The following CSMD2 variants were observed in gnomAD, a reference collection of about 807,000 sequenced individuals.
CSMD2 encodes CUB and sushi domain-containing protein 2.
A neutral mutation model predicts 398.5 loss-of-function variants in CSMD2; 130 were observed. That is an observed-to-expected ratio of 0.33 (90% CI 0.28 to 0.38). The LOEUF (loss-of-function observed/expected upper bound fraction) is 0.38. CSMD2 is among the 10% of genes least tolerant of loss of function. The pLI is 1.00. For missense variants in CSMD2, 3,829 were observed against 4,764.9 expected (o/e 0.80, Z 5.78); for synonymous variants, 1,828 against 1,908.5 (o/e 0.96, Z 1.10).
At position 33,802,701 on chromosome 1, in the gene CSMD2, C is replaced by CT. The variant is rs1485464067; in HGVS notation, c.1446+8041dup. ...CTCCCACAAGCAAACCTTTCAGCTC[C>CT]TTCTAACAACAGCATCTTTCTCCCC... On this transcript the variant is annotated intron_variant, in intron 10 of 70. Transcript: ENST00000373381. Among the ~76,000 whole-genome samples the CT allele has an allele frequency of 2.0e-5, 3 of 152,184 alleles. No individual in the cohort carries two copies. The East Asian group carries it at 5.8e-4, about 29-fold the overall frequency.
intron 1 of CSMD2, among the ~76,000 whole-genome samples, chr1:34,128,423 C>T (rs1662973857): frequency 6.6e-6 from 1 of 152,216 alleles, no homozygotes; most frequent in South Asian, 2.1e-4. Context: ...GGTGTGTCTC[C>T]TAACCTTCCT....
At chr1:34,053,196 G>A (rs983167185) in intron 2 of CSMD2, among the ~76,000 whole-genome samples, 1 of 152,218 alleles carries the variant, frequency 6.6e-6, no homozygotes, top group East Asian at 1.9e-4. Flanking sequence ...TTTTTTAATA[G>A]AATAAGCAAG....
intron 15 of CSMD2, among the ~76,000 whole-genome samples, chr1:33,729,665 G>A (rs1646658614): frequency 6.7e-6 from 1 of 149,780 alleles, no homozygotes; most frequent in Admixed American, 6.6e-5. Context: ...AGAGTGTGAT[G>A]TTGGAGGGGA....
chr1:33,571,580 G>C lies in CSMD2; in HGVS notation c.7909C>G (p.Gln2637Glu). The part of the protein sequence containing the change: ...YYTGQRVIRC[Q>E]ANGKWSLGDS... ...CCGAGGCTCCATTTGCCATTGGCCT[G>C]ACAGCGGATGACCCTTTGGCCAGTA... The change falls in exon 51 of 71, where the codon CAG (glutamine) becomes GAG (glutamate). Residue 2637 changes from glutamine (Q) to glutamate (E), a missense_variant. Gln to Glu is a conservative substitution (Grantham distance 29, BLOSUM62 2). Coordinates refer to ENST00000373381, the MANE Select transcript of CSMD2 (RefSeq NM_001281956.2). The C allele has an allele frequency of 6.5e-7, 1 of 1,543,160 alleles. No homozygotes were observed. Among genetic ancestry groups the C allele is most frequent in the Non-Finnish European group, 8.8e-7 (1 of 1,132,642 alleles).
At chr1:33,582,854 C>A (rs1387887551) in intron 47 of CSMD2, among the ~76,000 whole-genome samples, 1 of 152,156 alleles carries the variant, frequency 6.6e-6, no homozygotes, top group Non-Finnish European at 1.5e-5. Flanking sequence ...ATTAACACAG[C>A]CTTGGTTACA....
At chr1:33,605,879 A>G (rs1300842937) in intron 41 of CSMD2, 2 of 1,613,580 alleles carry the variant, frequency 1.2e-6, no homozygotes, top group Admixed American at 3.3e-5. Flanking sequence ...AACCAGGATC[A>G]AGATCCCAGA....
intron 16 of CSMD2, among the ~76,000 whole-genome samples, 157 bp from the exon 17 acceptor site, chr1:33,725,693 A>T (rs528479347): frequency 2.9e-4 from 44 of 152,288 alleles, no homozygotes; most frequent in Admixed American, 2.3e-3. Flanking sequence ...GCGATGCAGA[A>T]GGACCTTCTC....
chr1:33,725,594 T>G, intron 16 of CSMD2, 58 bp from the exon 17 acceptor site: 2 of 1,530,522 alleles, frequency 1.3e-6, no homozygotes, highest in Non-Finnish European at 1.8e-6. Flanking sequence ...AATTTGCAAA[T>G]GACATAAAGC....
intron 3 of CSMD2, among the ~76,000 whole-genome samples, chr1:33,988,453 C>A (rs1646434098): frequency 6.6e-6 from 1 of 152,236 alleles, no homozygotes; most frequent in African/African-American, 2.4e-5. Flanking sequence ...CTGCAGGTCT[C>A]TGCTCAAACG....
chr1:34,087,614 T>TAAC (rs1336086003), intron 2 of CSMD2, among the ~76,000 whole-genome samples: 22 of 40,778 alleles, frequency 5.4e-4, no homozygotes, highest in African/African-American at 1.9e-3. Flanking sequence ...ACTTAAAGTA[T>TAAC]AATAATAATA....
At chr1:33,771,727 C>CG (rs1651295705) in intron 13 of CSMD2, among the ~76,000 whole-genome samples, 1 of 152,042 alleles carries the variant, frequency 6.6e-6, no homozygotes, top group African/African-American at 2.4e-5. Context: ...CCCACTGAGC[C>CG]GGGTGAAGGA....
intron 12 of CSMD2, among the ~76,000 whole-genome samples, chr1:33,784,000 C>A (rs1284378442): frequency 6.6e-6 from 1 of 150,594 alleles, no homozygotes; most frequent in Non-Finnish European, 1.5e-5. Context: ...CTCCCTATCC[C>A]AGGGCATTTT....
In CSMD2 at chr1:34,135,242, T is replaced by TCACACACACA. The variant is rs66898227; in HGVS notation, c.187+29659_187+29668dup. 3.6e-3 allele frequency among the ~76,000 whole-genome samples: 482 copies of TCACACACACA among 135,564 alleles called. 6 individuals carry two copies. Among genetic ancestry groups the TCACACACACA allele is most frequent in the South Asian group, 9.7e-3 (41 of 4,208 alleles). 88.9% of individuals were successfully genotyped at this position (135,564 alleles called of 152,430 possible). Reference sequence around the variant, plus strand: ...ATAGACATCTGCCCTCATGTTGAAATCACACACACACACACACACACACAC... The same window carrying TCACACACACA: ...ATAGACATCTGCCCTCATGTTGAAATCACACACACACACACACACACACACACACACACAC... On this transcript the variant is annotated intron_variant, in intron 1 of 70. Transcript: ENST00000373381.
At chr1:34,031,702 G>T (rs569312419) in intron 3 of CSMD2, among the ~76,000 whole-genome samples, 3 of 134,452 alleles carry the variant, frequency 2.2e-5, no homozygotes, top group Non-Finnish European at 4.6e-5. Flanking sequence ...TTTCTGTATT[G>T]CTATAGCTTC....
chr1:33,743,897 A>G (rs1211250021), intron 13 of CSMD2, among the ~76,000 whole-genome samples: 1 of 152,202 alleles, frequency 6.6e-6, no homozygotes, highest in Non-Finnish European at 1.5e-5. Flanking sequence ...TGCGGCCCAG[A>G]TTTTTAAAAA....
chr1:34,100,414 A>G (rs1659828321), intron 1 of CSMD2, among the ~76,000 whole-genome samples: 1 of 152,052 alleles, frequency 6.6e-6, no homozygotes, highest in Non-Finnish European at 1.5e-5. Flanking sequence ...AGTTTAGCTC[A>G]TTTTTCTGCA....
At chr1:33,666,864 T>G (rs2149013434) in intron 25 of CSMD2, among the ~76,000 whole-genome samples, 1 of 152,282 alleles carries the variant, frequency 6.6e-6, no homozygotes, top group African/African-American at 2.4e-5. Context: ...GTGGTGTGGC[T>G]GTACGTGCTC....
At chr1:33,986,485 G>A (rs1646363643) in intron 3 of CSMD2, among the ~76,000 whole-genome samples, 1 of 152,154 alleles carries the variant, frequency 6.6e-6, no homozygotes, top group Middle Eastern at 3.2e-3. Context: ...ATGAAATCTT[G>A]TGACAGAGCG....
chr1:33,835,943 T>G (rs1570196252), intron 6 of CSMD2, among the ~76,000 whole-genome samples: 1 of 152,284 alleles, frequency 6.6e-6, no homozygotes, highest in South Asian at 2.1e-4. Context: ...GGAGCTCTGA[T>G]TTTTAGAATT....
Sources: allele counts gnomAD v4.1 joint callset (sites outside exome capture counted in the v4.1 genomes callset), GRCh38; gene constraint gnomAD v4.1.1; transcripts MANE v1.5; gene names NCBI Gene and HGNC (gene_info 2026-07-23, HGNC 2026-07-21).